ATP2B1: variants seen among roughly 807,000 people sequenced by gnomAD.
ATP2B1 encodes the protein ATPase plasma membrane Ca2+ transporting 1.
In ATP2B1, 14 loss-of-function variants were observed where a neutral mutation model predicts 124.2. That is an observed-to-expected ratio of 0.11 (90% CI 0.07 to 0.18). The LOEUF (loss-of-function observed/expected upper bound fraction) is 0.18. ATP2B1 is among the 10% of genes least tolerant of loss of function. ATP2B1 has a pLI of 1.00. For missense variants in ATP2B1, 763 were observed against 1,466.1 expected, an observed-to-expected ratio of 0.52 and a Z score of 7.83; for synonymous variants, 449 against 492.4, an observed-to-expected ratio of 0.91 and a Z score of 1.17.
intron 1 of ATP2B1, among the ~76,000 whole-genome samples, chr12:89,675,473 T>C (rs557658933): frequency 6.6e-6 from 1 of 152,262 alleles, no homozygotes; most frequent in South Asian, 2.1e-4. Flanking sequence ...AAAATTATTA[T>C]TTTGAATTTT....
upstream of ATP2B1, chr12:89,709,080 C>A (rs940271946): frequency 3.1e-4 from 47 of 151,236 alleles, 1 homozygote; most frequent in African/African-American, 1.1e-3. Flanking sequence ...CAGCCCGCCC[C>A]ACTCGGGGCG....
At chr12:89,680,803 G>A (rs974489330) in intron 1 of ATP2B1, among the ~76,000 whole-genome samples, 2 of 151,792 alleles carry the variant, frequency 1.3e-5, no homozygotes, top group Non-Finnish European at 2.9e-5. Context: ...CTAGTTTAAA[G>A]ATTAAAAAAA....
intron 1 of ATP2B1, among the ~76,000 whole-genome samples, chr12:89,672,545 T>C (rs1467372340): frequency 1.3e-5 from 2 of 152,194 alleles, no homozygotes; most frequent in Non-Finnish European, 2.9e-5. Flanking sequence ...ATCTAGCACA[T>C]ATGGCTGCCT....
Position 89,590,811 on chromosome 12 carries a change from G to A in ATP2B1, c.*173C>T, listed in dbSNP as rs965230330. On this transcript the variant is annotated 3_prime_UTR_variant, in exon 21 of 21. Transcript: ENST00000428670. ...CCCCCCAAAAAGCACCCTCAGTCTGGCAGAAAGCTTTGCTTTTTTTTTTTT... is the reference window on the plus strand; with the variant it reads ...CCCCCCAAAAAGCACCCTCAGTCTGACAGAAAGCTTTGCTTTTTTTTTTTT... 2.8e-6 allele frequency: 2 copies of A among 718,748 alleles called. No individual in the cohort carries two copies. The highest frequency in any genetic ancestry group is 4.4e-6 in the Non-Finnish European group (2 of 458,722). The allele number at this position is 718,748 out of a possible 1,614,324, so 44.5% of individuals were successfully genotyped here.
At chr12:89,601,529 G>A (rs1357883973) in intron 18 of ATP2B1, 96 bp from the exon 19 acceptor site, 1 of 672,168 alleles carries the variant, frequency 1.5e-6, no homozygotes, top group Non-Finnish European at 2.4e-6. Context: ...AAAACAAGGT[G>A]AACAACCACT....
At chr12:89,666,425 T>C (rs1887327398) in intron 1 of ATP2B1, among the ~76,000 whole-genome samples, 1 of 152,222 alleles carries the variant, frequency 6.6e-6, no homozygotes, top group Admixed American at 6.5e-5. Flanking sequence ...TTTTCAAAAT[T>C]TGCTCTCCAG....
chr12:89,651,026 G>A (rs1180902806), intron 2 of ATP2B1, among the ~76,000 whole-genome samples: 2 of 152,110 alleles, frequency 1.3e-5, no homozygotes, highest in African/African-American at 2.4e-5. Flanking sequence ...TTTCTCTAAC[G>A]GAGCCAAAAA....
intron 1 of ATP2B1, among the ~76,000 whole-genome samples, chr12:89,691,607 T>C (rs1174494911): frequency 1.3e-5 from 2 of 152,212 alleles, no homozygotes; most frequent in East Asian, 1.9e-4. Flanking sequence ...CTCAGGATTA[T>C]TACTCAGTTT....
chr12:89,616,506 T>C (rs1878996583), intron 12 of ATP2B1, among the ~76,000 whole-genome samples: 1 of 152,070 alleles, frequency 6.6e-6, no homozygotes, highest in Non-Finnish European at 1.5e-5. Context: ...AAACAAATAA[T>C]GGCACCTATT....
rs199982167 is a variant in ATP2B1, at chr12:89,624,415, A to T, written c.1130-18T>A. ...CAACAGACCTTTCAGAATAGAAATG[A>T]AAGAAAAATGTGATTATTAAATTTC... On this transcript the variant is annotated intron_variant, in intron 8 of 20. Coordinates refer to ENST00000428670, the MANE Select transcript of ATP2B1 (RefSeq NM_001366521.1). 8 of 1,588,542 alleles carry T rather than the reference A, an allele frequency of 5.0e-6. No individual in the cohort carries two copies. Among genetic ancestry groups the T allele is most frequent in the Middle Eastern group, 1.8e-4 (1 of 5,642 alleles).
chr12:89,706,906 T>C (rs542086040), intron 1 of ATP2B1, among the ~76,000 whole-genome samples: 1 of 152,290 alleles, frequency 6.6e-6, no homozygotes, highest in East Asian at 1.9e-4. Flanking sequence ...AGATCCACCC[T>C]TAATTACAGC....
intron 11 of ATP2B1, among the ~76,000 whole-genome samples, chr12:89,618,248 C>T (rs1475871068): frequency 6.6e-6 from 1 of 152,292 alleles, no homozygotes; most frequent in African/African-American, 2.4e-5. Context: ...AAAGTCTCCA[C>T]AACAAAATGC....
intron 6 of ATP2B1, 104 bp downstream of exon 6, chr12:89,630,401 T>C: frequency 6.4e-6 from 7 of 1,093,532 alleles, no homozygotes; most frequent in Non-Finnish European, 8.5e-6. Flanking sequence ...CTTTTAACTT[T>C]TTGTAGAATT....
chr12:89,590,818 G>T lies in ATP2B1; in HGVS notation c.*166C>A. ...AAAAGCACCCTCAGTCTGGCAGAAA[G>T]CTTTGCTTTTTTTTTTTTAAAAAAA... On this transcript the variant is annotated 3_prime_UTR_variant, in exon 21 of 21. Coordinates refer to ENST00000428670, the MANE Select transcript of ATP2B1 (RefSeq NM_001366521.1). The T allele has an allele frequency of 1.3e-6, 1 of 772,682 alleles. No individual in the cohort carries two copies. Among genetic ancestry groups the T allele is most frequent in the Non-Finnish European group, 2.0e-6 (1 of 503,004 alleles). 47.9% of individuals were successfully genotyped at this position (772,682 alleles called of 1,614,324 possible).
At chr12:89,598,486 G>A in intron 20 of ATP2B1, 1 of 1,330,758 alleles carries the variant, frequency 7.5e-7, no homozygotes, top group Non-Finnish European at 1.0e-6. Context: ...AAAGCTTTAT[G>A]AAAAAGCCTG....
At position 89,590,824 on chromosome 12, in the gene ATP2B1, CTTTTTTT is replaced by C; in HGVS notation, c.*153_*159del. On this transcript the variant is annotated 3_prime_UTR_variant, in exon 21 of 21. Transcript: ENST00000428670. ...ACCCTCAGTCTGGCAGAAAGCTTTG[CTTTTTTT>C]TTTTTAAAAAAATAAATCTACATTC... is the stretch of plus-strand genomic sequence containing the variant. 1.5e-6 allele frequency: 1 copy of C among 673,408 alleles called. No individual in the cohort carries two copies. Among genetic ancestry groups the C allele is most frequent in the Non-Finnish European group, 2.3e-6 (1 of 443,778 alleles). The allele number at this position is 673,408 out of a possible 1,614,324, so 41.7% of individuals were successfully genotyped here.
At chr12:89,640,042 T>TA (rs1883270321) in intron 3 of ATP2B1, among the ~76,000 whole-genome samples, 1 of 152,166 alleles carries the variant, frequency 6.6e-6, no homozygotes, top group African/African-American at 2.4e-5. Context: ...CCTTTTCAGA[T>TA]AAACACATGT....
intron 1 of ATP2B1, among the ~76,000 whole-genome samples, chr12:89,701,327 C>T (rs1268218742): frequency 3.3e-5 from 5 of 152,164 alleles, no homozygotes; most frequent in Admixed American, 1.3e-4. Flanking sequence ...GGGTTGTACA[C>T]TTCCCATTTA....
At chr12:89,650,484 C>G (rs889524668) in intron 2 of ATP2B1, among the ~76,000 whole-genome samples, 9 of 152,140 alleles carry the variant, frequency 5.9e-5, no homozygotes, top group African/African-American at 1.9e-4. Flanking sequence ...GGGAGACTGA[C>G]AAGCAACCAG....
Sources: allele counts gnomAD v4.1 joint callset (sites outside exome capture counted in the v4.1 genomes callset), GRCh38; gene constraint gnomAD v4.1.1; transcripts MANE v1.5; gene names NCBI Gene and HGNC (gene_info 2026-07-23, HGNC 2026-07-21).